PELI2: variants seen among roughly 807,000 people sequenced by gnomAD.
The protein encoded by PELI2 is pellino E3 ubiquitin protein ligase family member 2.
A neutral mutation model predicts 42.3 loss-of-function variants in PELI2; 23 were observed. That is an observed-to-expected ratio of 0.54 (90% CI 0.39 to 0.77). The LOEUF is 0.77. Among genes scored for constraint, PELI2 ranks in the 30% least tolerant of loss-of-function variants. The probability of loss-of-function intolerance (pLI) is 0.00; values close to 1 mark genes in which losing one functional copy is unlikely to be tolerated. For missense variants in PELI2, 463 were observed against 553.2 expected (o/e 0.84, Z 1.64); for synonymous variants, 245 against 212.2 (o/e 1.15, Z -1.34).
chr14:56,269,866 C>T (rs943135808), intron 2 of PELI2, among the ~76,000 whole-genome samples: 5 of 152,184 alleles, frequency 3.3e-5, no homozygotes, highest in Non-Finnish European at 2.9e-5. Context: ...TGAATGTCAC[C>T]TGCCCAACTC....
Position 56,300,544 on chromosome 14 carries a change from A to G in PELI2, c.*3378A>G, listed in dbSNP as rs1282033199. 6.6e-6 allele frequency: 1 copy of G among 151,966 alleles called. No homozygotes were observed. The highest frequency in any genetic ancestry group is 2.4e-5 in the African/African-American group (1 of 41,338). The allele number at this position is 151,966 out of a possible 1,614,324, so 9.4% of individuals were successfully genotyped here. A position where few individuals can be genotyped will look rare whatever the true frequency, so the allele number is the denominator to read the frequency against. On this transcript the variant is annotated 3_prime_UTR_variant, in exon 6 of 6. Coordinates refer to ENST00000267460, the MANE Select transcript of PELI2 (RefSeq NM_021255.3). Reference sequence around the variant, plus strand: ...GAGTTTTCTGCTTAATTGAAGTGTAATATAGGTTGTAGAATTGTTACCTGC... The same window carrying G: ...GAGTTTTCTGCTTAATTGAAGTGTAGTATAGGTTGTAGAATTGTTACCTGC...
chr14:56,257,434 T>A (rs1888562440), intron 2 of PELI2, among the ~76,000 whole-genome samples: 1 of 152,192 alleles, frequency 6.6e-6, no homozygotes, highest in Non-Finnish European at 1.5e-5. Flanking sequence ...CGATGGTGAA[T>A]TAAGTTTAAA....
intron 2 of PELI2, among the ~76,000 whole-genome samples, chr14:56,230,686 C>G (rs1887528573): frequency 6.6e-6 from 1 of 152,136 alleles, no homozygotes; most frequent in Non-Finnish European, 1.5e-5. Flanking sequence ...GAAGAAACTC[C>G]ATCAACTAAC....
chr14:56,259,832 C>T (rs922459967), intron 2 of PELI2, among the ~76,000 whole-genome samples: 2 of 151,802 alleles, frequency 1.3e-5, no homozygotes, highest in Non-Finnish European at 2.9e-5. Context: ...TCTATATTAG[C>T]AATAAGTAAT....
chr14:56,233,471 C>T (rs1319683908), intron 2 of PELI2, among the ~76,000 whole-genome samples: 1 of 152,140 alleles, frequency 6.6e-6, no homozygotes, highest in African/African-American at 2.4e-5. Context: ...ACCATCTGAT[C>T]TTTGACAAAC....
intron 1 of PELI2, among the ~76,000 whole-genome samples, chr14:56,125,535 C>T (rs1209885873): frequency 6.6e-6 from 1 of 152,022 alleles, no homozygotes; most frequent in Non-Finnish European, 1.5e-5. Flanking sequence ...TGAGAGTCCC[C>T]ACTTCTTTCG....
At position 56,197,969 on chromosome 14, in the gene PELI2, GACAC is replaced by G. The variant is rs4038318; in HGVS notation, c.207+19546_207+19549del. Among the ~76,000 whole-genome samples, 16,272 of 129,418 alleles carry G rather than the reference GACAC, an allele frequency of 0.13. 1,017 individuals are homozygous for G. Among genetic ancestry groups the G allele is most frequent in the Non-Finnish European group, 0.16 (9,762 of 62,044 alleles). 84.9% of individuals were successfully genotyped at this position (129,418 alleles called of 152,430 possible). A position where few individuals can be genotyped will look rare whatever the true frequency, so the allele number is the denominator to read the frequency against. On this transcript the variant is annotated intron_variant, in intron 2 of 5. Coordinates refer to ENST00000267460, the MANE Select transcript of PELI2 (RefSeq NM_021255.3). The surrounding 1 kb of genome is among the most constrained non-coding windows in gnomAD (Gnocchi z 4.9). ...CACACCAGGGATCATGACTGGTGAA[GACAC>G]ACACACACACACACACACACACACA...
At chr14:56,256,667 G>T (rs762008837) in intron 2 of PELI2, among the ~76,000 whole-genome samples, 1 of 152,274 alleles carries the variant, frequency 6.6e-6, no homozygotes, top group Middle Eastern at 3.4e-3. Flanking sequence ...CAAAACTTCA[G>T]TTTTCTTGGG....
chr14:56,162,519 A>T (rs1185641267), intron 1 of PELI2, among the ~76,000 whole-genome samples: 1 of 152,206 alleles, frequency 6.6e-6, no homozygotes, highest in Non-Finnish European at 1.5e-5. Flanking sequence ...CTGTTGATGG[A>T]TACCTAGGTT....
chr14:56,125,433 G>T (rs995877354), intron 1 of PELI2, among the ~76,000 whole-genome samples: 15 of 151,964 alleles, frequency 9.9e-5, no homozygotes, highest in African/African-American at 3.1e-4. Flanking sequence ...GGGTGAATTG[G>T]CAGGGTGAAA....
At chr14:56,139,581 A>G (rs1473444551) in intron 1 of PELI2, among the ~76,000 whole-genome samples, 1 of 151,900 alleles carries the variant, frequency 6.6e-6, no homozygotes, top group East Asian at 1.9e-4. Flanking sequence ...TTTTAGATTT[A>G]CTTTTGTTAA....
chr14:56,274,423 T>A (rs2139862156), intron 2 of PELI2, among the ~76,000 whole-genome samples: 2 of 152,348 alleles, frequency 1.3e-5, no homozygotes, highest in Middle Eastern at 3.4e-3. Flanking sequence ...AATAAAAGAT[T>A]TAATTATTTA....
intron 2 of PELI2, among the ~76,000 whole-genome samples, chr14:56,277,696 A>G (rs1372084000): frequency 2.0e-5 from 3 of 152,094 alleles, no homozygotes; most frequent in South Asian, 2.1e-4. Context: ...GCCTCAGGTG[A>G]CCAGAGCGAG....
chr14:56,279,634 G>T, intron 2 of PELI2, 42 bp from the exon 3 acceptor site: 1 of 1,150,106 alleles, frequency 8.7e-7, no homozygotes, highest in South Asian at 1.3e-5. Context: ...ATAAGTTGTT[G>T]AAATGGAATT....
chr14:56,125,877 G>T (rs1351178234), intron 1 of PELI2, among the ~76,000 whole-genome samples: 1 of 152,012 alleles, frequency 6.6e-6, no homozygotes, highest in Non-Finnish European at 1.5e-5. Context: ...GAGCCTCTTG[G>T]AGAAATGGAT....
chr14:56,232,635 A>G (rs543407714), intron 2 of PELI2, among the ~76,000 whole-genome samples: 8 of 151,922 alleles, frequency 5.3e-5, no homozygotes, highest in African/African-American at 1.7e-4. Flanking sequence ...ATTTATGACA[A>G]ACCCCCAGCC....
chr14:56,144,379 A>G (rs1320090926), intron 1 of PELI2, among the ~76,000 whole-genome samples: 2 of 152,228 alleles, frequency 1.3e-5, no homozygotes, highest in Non-Finnish European at 2.9e-5. Context: ...CTTGGGCATG[A>G]GCCAAAGCTG....
chr14:56,218,716 T>C (rs565929572), intron 2 of PELI2, among the ~76,000 whole-genome samples: 3 of 152,114 alleles, frequency 2.0e-5, no homozygotes, highest in African/African-American at 7.2e-5. Flanking sequence ...TGTGTGTGTG[T>C]GTGTGTGTGT....
chr14:56,127,982 G>A (rs1436784236), intron 1 of PELI2, among the ~76,000 whole-genome samples: 1 of 152,054 alleles, frequency 6.6e-6, no homozygotes, highest in African/African-American at 2.4e-5. Flanking sequence ...ATGTGTGTAT[G>A]TATATATTTT....
Sources: gnomAD v4.1 joint callset for allele counts (sites outside exome capture counted in the v4.1 genomes callset) on GRCh38, gnomAD v4.1.1 for gene constraint, Gnocchi (gnomAD v3.1) non-coding constraint, MANE v1.5 for transcripts, NCBI Gene and HGNC (gene_info 2026-07-23, HGNC 2026-07-21) for gene names.